ZNF423: variants seen among roughly 807,000 people sequenced by gnomAD.
ZNF423 encodes the protein zinc finger protein 423.
ZNF423 carries 12 observed loss-of-function variants against 95.8 expected under a neutral mutation model. The ratio of observed to expected loss-of-function variants is 0.13; its 90% CI spans 0.08 to 0.20. ZNF423 has a LOEUF of 0.20. Ranked by LOEUF, ZNF423 falls within the 10% of genes least tolerant of loss-of-function variation. The pLI, the probability that ZNF423 is intolerant of heterozygous loss-of-function variation, is 1.00. For missense variants in ZNF423, 1,316 were observed against 1,737.1 expected (o/e 0.76, Z 4.31); for synonymous variants, 749 against 711.9 (o/e 1.05, Z -0.83).
At chr16:49,511,381 C>A (rs1308000562) in intron 7 of ZNF423, among the ~76,000 whole-genome samples, 1 of 152,264 alleles carries the variant, frequency 6.6e-6, no homozygotes, top group Non-Finnish European at 1.5e-5. Flanking sequence ...CATCTCCAAC[C>A]CCACTGCCTC....
rs540227779 is a variant in ZNF423 at position 49,740,929 on chromosome 16, C to T, written c.101-9958G>A. On this transcript the variant is annotated intron_variant, in intron 2 of 7. Transcript: ENST00000563137. ...GAACTTCCAATTCCTTTGTATCTTT[C>T]GCCTCGTGACCCCCAGCCCCTGTCA... Among the ~76,000 whole-genome samples the T allele has an allele frequency of 1.3e-4, 20 of 152,320 alleles. No homozygotes were observed. In the East Asian group the frequency reaches 2.9e-3, roughly 22 times the overall value.
intron 6 of ZNF423, among the ~76,000 whole-genome samples, chr16:49,525,112 G>A (rs917143091): frequency 1.3e-5 from 2 of 152,320 alleles, no homozygotes; most frequent in Admixed American, 6.5e-5. Flanking sequence ...TGCAGAGGGC[G>A]AGGAGAGGGT....
At chr16:49,723,879 T>G (rs1199009358) in intron 3 of ZNF423, among the ~76,000 whole-genome samples, 1 of 152,146 alleles carries the variant, frequency 6.6e-6, no homozygotes, top group East Asian at 1.9e-4. Context: ...CCAGTTGTAT[T>G]TGGGTCCATT....
chr16:49,823,495 G>A (rs910869812), intron 1 of ZNF423, among the ~76,000 whole-genome samples: 42 of 152,208 alleles, frequency 2.8e-4, no homozygotes, highest in African/African-American at 9.9e-4. Context: ...GCTCAAAGCT[G>A]GTGTCTGAAC....
chr16:49,517,372 C>A lies in ZNF423; in HGVS notation c.3849+6252G>T, dbSNP rs546699949. Among the ~76,000 whole-genome samples the A allele has an allele frequency of 1.9e-3, 285 of 152,324 alleles. 7 individuals carry two copies. In the South Asian group the frequency reaches 0.056, roughly 30 times the overall value. On this transcript the variant is annotated intron_variant, in intron 7 of 7. Transcript: ENST00000563137. ...TGAAGCAATAAGAACCCCTCCAGGA[C>A]CCAGAGTTCTTAAAATGCTCGAAGA... is the stretch of plus-strand genomic sequence containing the variant.
intron 2 of ZNF423, among the ~76,000 whole-genome samples, chr16:49,776,462 T>G (rs572081711): frequency 6.6e-6 from 1 of 152,204 alleles, no homozygotes; most frequent in South Asian, 2.1e-4. Flanking sequence ...AGGAGGCCAT[T>G]GTCGGCCTTT....
At chr16:49,589,596 G>A (rs565233060) in intron 5 of ZNF423, among the ~76,000 whole-genome samples, 17 of 152,262 alleles carry the variant, frequency 1.1e-4, no homozygotes, top group Non-Finnish European at 2.2e-4. Context: ...TGGTGGAGCA[G>A]CGAGAGGGAG....
In ZNF423 at chr16:49,491,206, G is replaced by C. The variant is rs1256196725; in HGVS notation, c.*69C>G. 6 of 1,596,046 alleles carry C rather than the reference G, an allele frequency of 3.8e-6. No individual in the cohort carries two copies. In the African/African-American group the frequency reaches 8.0e-5, roughly 21 times the overall value. On this transcript the variant is annotated 3_prime_UTR_variant, in exon 8 of 8. Coordinates refer to ENST00000563137, the MANE Select transcript of ZNF423 (RefSeq NM_001379286.1). Reference sequence around the variant, plus strand: ...AAATGACACTTTGATTGGATGTAATGTTCAAATGGCCCTCCCCACGGCGTC... The same window carrying C: ...AAATGACACTTTGATTGGATGTAATCTTCAAATGGCCCTCCCCACGGCGTC...
chr16:49,655,818 C>T (rs1172622095), intron 3 of ZNF423, among the ~76,000 whole-genome samples: 1 of 152,218 alleles, frequency 6.6e-6, no homozygotes, highest in East Asian at 1.9e-4. Flanking sequence ...ATCTCACGGT[C>T]ACTTCGCCCC....
intron 3 of ZNF423, among the ~76,000 whole-genome samples, chr16:49,699,494 G>A (rs1596877377): frequency 6.7e-6 from 1 of 150,050 alleles, no homozygotes; most frequent in Non-Finnish European, 1.5e-5. Flanking sequence ...ACCGTCCCCC[G>A]CCCCCTGCCC....
At chr16:49,783,365 T>G (rs1225892992) in intron 2 of ZNF423, among the ~76,000 whole-genome samples, 1 of 142,154 alleles carries the variant, frequency 7.0e-6, no homozygotes, top group Non-Finnish European at 1.5e-5. Flanking sequence ...TTAGGGTTAG[T>G]AGCAGGCTGG....
intron 2 of ZNF423, among the ~76,000 whole-genome samples, chr16:49,742,636 G>A (rs892410574): frequency 2.6e-5 from 4 of 152,092 alleles, no homozygotes; most frequent in East Asian, 3.9e-4. Flanking sequence ...GAGCAGGGCC[G>A]GCGGTGGGCA....
In ZNF423 at chr16:49,688,185, G is replaced by A. The variant is rs116279488; in HGVS notation, c.301+42586C>T. Among the ~76,000 whole-genome samples, 16 of 151,822 alleles carry A rather than the reference G, an allele frequency of 1.1e-4. No homozygotes were observed. In the South Asian group the frequency reaches 1.3e-3, roughly 12 times the overall value. ...TGAGGCCCGGCTGTTTGAGCTCAGC[G>A]GCAGAAAAAAGGATTGCCCAGGGAC... is the stretch of plus-strand genomic sequence containing the variant. On this transcript the variant is annotated intron_variant, in intron 3 of 7. Transcript: ENST00000563137.
In ZNF423 at chr16:49,801,250, C is replaced by T. The variant is rs550127259; in HGVS notation, c.41-11704G>A. Among the ~76,000 whole-genome samples, 204 of 152,294 alleles carry T rather than the reference C, an allele frequency of 1.3e-3. 9 individuals are homozygous for T. In the South Asian group the frequency reaches 0.04, roughly 30 times the overall value. ...AGACAGACGCCAGCCTGGCCCAGGT[C>T]CCTCACGTCCTTCCCCACCACCCTG... On this transcript the variant is annotated intron_variant, in intron 1 of 7. Coordinates refer to ENST00000563137, the MANE Select transcript of ZNF423 (RefSeq NM_001379286.1).
chr16:49,780,992 A>C (rs979817478), intron 2 of ZNF423, among the ~76,000 whole-genome samples: 4 of 152,226 alleles, frequency 2.6e-5, no homozygotes, highest in African/African-American at 9.6e-5. Flanking sequence ...AAGGGCGCCC[A>C]GGCAGCATGC....
intron 3 of ZNF423, among the ~76,000 whole-genome samples, chr16:49,644,658 CAAAAAAAAAAAAAAAAAA>C (rs56066766): frequency 2.3e-4 from 9 of 39,580 alleles, no homozygotes; most frequent in South Asian, 3.6e-3. Context: ...AACTCTGACT[CAAAAAAAAAAAAAAAAAA>C]AAAAAAAAAA....
chr16:49,563,361 G>A (rs1437630226), intron 5 of ZNF423, among the ~76,000 whole-genome samples: 1 of 152,250 alleles, frequency 6.6e-6, no homozygotes, highest in East Asian at 1.9e-4. Context: ...TCCTATGAGT[G>A]GAAGCAGCCT....
intron 7 of ZNF423, among the ~76,000 whole-genome samples, chr16:49,498,157 A>G (rs377283972): frequency 1.3e-5 from 2 of 152,238 alleles, no homozygotes; most frequent in East Asian, 1.9e-4. Flanking sequence ...TGTGCCAGAC[A>G]CCATTCTTAA....
intron 1 of ZNF423, among the ~76,000 whole-genome samples, chr16:49,813,534 T>C (rs1480088174): frequency 2.0e-5 from 3 of 152,138 alleles, no homozygotes; most frequent in Non-Finnish European, 4.4e-5. Flanking sequence ...GCCCAGGGAT[T>C]GATCCTCAAG....
Sources: gnomAD v4.1 joint callset for allele counts (sites outside exome capture counted in the v4.1 genomes callset) on GRCh38, gnomAD v4.1.1 for gene constraint, MANE v1.5 for transcripts, NCBI Gene and HGNC (gene_info 2026-07-23, HGNC 2026-07-21) for gene names.